The following RUSC2 variants were observed in gnomAD, a reference collection of about 807,000 sequenced individuals.
The protein encoded by RUSC2 is AP-4 complex accessory subunit RUSC2.
RUSC2 carries 34 observed loss-of-function variants against 122.2 expected under a neutral mutation model. The observed-to-expected ratio is 0.28, with a 90% CI of 0.21 to 0.37. The LOEUF (loss-of-function observed/expected upper bound fraction) is 0.37, where lower values mean the gene tolerates loss of function less well. Among genes scored for constraint, RUSC2 ranks in the 10% least tolerant of loss-of-function variants. RUSC2 has a pLI of 1.00. For synonymous variants in RUSC2, 784 were observed against 790.0 expected, an observed-to-expected ratio of 0.99 and a Z score of 0.13; for missense variants, 1,747 against 1,952.4, an observed-to-expected ratio of 0.89 and a Z score of 1.98.
At chr9:35,524,693 C>T (rs549279981) in intron 1 of RUSC2, among the ~76,000 whole-genome samples, 5 of 152,118 alleles carry the variant, frequency 3.3e-5, no homozygotes, top group Admixed American at 6.6e-5. Context: ...GATCCCAGGC[C>T]GGGTGCAGTG....
chr9:35,510,073 G>C (rs1428912537), intron 1 of RUSC2, among the ~76,000 whole-genome samples: 1 of 152,170 alleles, frequency 6.6e-6, no homozygotes, highest in Non-Finnish European at 1.5e-5. Flanking sequence ...GTTAATTGAA[G>C]TGAGTTCCTA....
At position 35,558,537 on chromosome 9, in the gene RUSC2, G is replaced by A. The variant is rs373601054; in HGVS notation, c.3311G>A (p.Arg1104His). Reference protein sequence around the residue: ...QFPELTSHTMRFNAFILGLLN... With the variant: ...QFPELTSHTMHFNAFILGLLN... ...CCAGAGCTCACCAGTCATACCATGC[G>A]CTTCAACGCCTTCATCCTCGGCCTG... The change falls in exon 8 of 12, where the codon CGC (arginine) becomes CAC (histidine). Residue 1104 changes from arginine (R) to histidine (H), a missense_variant. Arg to His is a conservative substitution (Grantham distance 29, BLOSUM62 0). Coordinates refer to ENST00000361226, the MANE Select transcript of RUSC2 (RefSeq NM_014806.5). This position sits in a 1 kb window ranked among gnomAD's most constrained non-coding sequence, Gnocchi z 4.3. 18 of 1,613,950 alleles carry A rather than the reference G, an allele frequency of 1.1e-5. No homozygotes were observed. The South Asian group carries it at 1.4e-4, about 13-fold the overall frequency.
Position 35,549,057 on chromosome 9 carries a change from C to T in RUSC2, c.2014+522C>T, listed in dbSNP as rs565735936. 14 of 982,956 alleles carry T rather than the reference C, an allele frequency of 1.4e-5. No individual in the cohort carries two copies. The African/African-American group carries it at 2.4e-4, about 17-fold the overall frequency. 60.9% of individuals were successfully genotyped at this position (982,956 alleles called of 1,614,324 possible). A position where few individuals can be genotyped will look rare whatever the true frequency, so the allele number is the denominator to read the frequency against. The stretch of plus-strand genomic sequence containing the variant: ...CAAAAAAAAAAAATAAATAAATACA[C>T]TGAGGAGATAAAATCAGCAGGACTT... On this transcript the variant is annotated intron_variant, in intron 2 of 11. Transcript: ENST00000361226.
intron 1 of RUSC2, among the ~76,000 whole-genome samples, chr9:35,522,104 A>G (rs1315448613): frequency 6.6e-6 from 1 of 152,256 alleles, no homozygotes; most frequent in African/African-American, 2.4e-5. Flanking sequence ...TCCTATAGGA[A>G]ACTCAGAGCC....
chr9:35,547,853 G>C lies in RUSC2; in HGVS notation c.1332G>C (p.Glu444Asp). ...GPDPGPSQPS[E>D]YYLFQKPEVQ... Reference sequence around the variant, plus strand: ...ACCCAGGCCCCAGCCAGCCCTCTGAGTATTACCTATTCCAGAAGCCAGAAG... The same window carrying C: ...ACCCAGGCCCCAGCCAGCCCTCTGACTATTACCTATTCCAGAAGCCAGAAG... The change falls in exon 2 of 12, where the codon GAG (glutamate) becomes GAC (aspartate). Residue 444 changes from glutamate (E) to aspartate (D), a missense_variant. Physicochemically the swap from Glu to Asp is conservative, Grantham distance 45. Coordinates refer to ENST00000361226, the MANE Select transcript of RUSC2 (RefSeq NM_014806.5). The surrounding 1 kb of genome is among the most constrained non-coding windows in gnomAD (Gnocchi z 4.6). 6.2e-7 allele frequency: 1 copy of C among 1,614,172 alleles called. No individual in the cohort carries two copies.
At position 35,548,329 on chromosome 9, in the gene RUSC2, G is replaced by A; in HGVS notation, c.1808G>A (p.Gly603Glu). 6.2e-7 allele frequency: 1 copy of A among 1,614,016 alleles called. No homozygotes were observed. Among genetic ancestry groups the A allele is most frequent in the Non-Finnish European group, 8.5e-7 (1 of 1,180,026 alleles). ...CSHSLPPMPL[G>E]PGMDLLGPDP... is the part of the protein sequence containing the mutation. ...CATAGCCTGCCACCCATGCCTTTGG[G>A]GCCAGGCATGGACCTACTTGGCCCA... Residue 603 changes from glycine (G) to glutamate (E), a missense_variant, in exon 2 of 12, where the codon GGG (glycine) becomes GAG (glutamate). Coordinates refer to ENST00000361226, the MANE Select transcript of RUSC2 (RefSeq NM_014806.5). This position sits in a 1 kb window ranked among gnomAD's most constrained non-coding sequence, Gnocchi z 4.5.
chr9:35,515,765 G>A (rs945312944), intron 1 of RUSC2, among the ~76,000 whole-genome samples: 1 of 152,014 alleles, frequency 6.6e-6, no homozygotes, highest in Non-Finnish European at 1.5e-5. Context: ...TTGGGAGGCT[G>A]AGGTGGGAGG....
intron 1 of RUSC2, among the ~76,000 whole-genome samples, chr9:35,527,141 T>C (rs1337686246): frequency 6.6e-6 from 1 of 151,374 alleles, no homozygotes; most frequent in Non-Finnish European, 1.5e-5. Context: ...TTTCGTTGTT[T>C]TTTTTTTCTT....
At chr9:35,527,009 T>C (rs1032314300) in intron 1 of RUSC2, among the ~76,000 whole-genome samples, 16 of 152,246 alleles carry the variant, frequency 1.1e-4, no homozygotes, top group African/African-American at 3.9e-4. Flanking sequence ...ATCTCTTAAC[T>C]TCTCATTCAC....
At chr9:35,523,514 G>GA (rs577097074) in intron 1 of RUSC2, among the ~76,000 whole-genome samples, 128 of 151,094 alleles carry the variant, frequency 8.5e-4, no homozygotes, top group East Asian at 1.7e-3. Context: ...TCTTCACAAT[G>GA]AAAAAAAAAG....
chr9:35,493,455 T>G (rs1201878141), intron 1 of RUSC2, among the ~76,000 whole-genome samples: 1 of 152,196 alleles, frequency 6.6e-6, no homozygotes, highest in Non-Finnish European at 1.5e-5. Context: ...GCATAATGTC[T>G]AAAGTTCATC....
At chr9:35,517,778 C>T (rs1821137664) in intron 1 of RUSC2, among the ~76,000 whole-genome samples, 1 of 152,160 alleles carries the variant, frequency 6.6e-6, no homozygotes, top group South Asian at 2.1e-4. Flanking sequence ...CAGGAGAAGG[C>T]CAGGGCGCTC....
At position 35,510,544 on chromosome 9, in the gene RUSC2, T is replaced by C. The variant is rs185099296; in HGVS notation, c.-93+20372T>C. 7.2e-5 allele frequency among the ~76,000 whole-genome samples: 11 copies of C among 152,310 alleles called. No individual in the cohort carries two copies. In the East Asian group the frequency reaches 2.1e-3, roughly 29 times the overall value. ...CAGTCATAGTTATTTATTTGTTTAG[T>C]CTCCCTGGGTGAACTATAAACTCCA... On this transcript the variant is annotated intron_variant, in intron 1 of 11. Transcript: ENST00000361226.
intron 1 of RUSC2, among the ~76,000 whole-genome samples, chr9:35,496,817 T>C (rs1820724592): frequency 6.6e-6 from 1 of 152,182 alleles, no homozygotes; most frequent in Non-Finnish European, 1.5e-5. Context: ...CACTACATGG[T>C]GTTATTGTGG....
At chr9:35,506,442 T>C (rs1461621827) in intron 1 of RUSC2, among the ~76,000 whole-genome samples, 1 of 152,234 alleles carries the variant, frequency 6.6e-6, no homozygotes, top group East Asian at 1.9e-4. Flanking sequence ...TATTTTCCAC[T>C]ATGCATTTCT....
In RUSC2 at chr9:35,555,114, C is replaced by G; in HGVS notation, c.2069C>G (p.Thr690Ser). ...VLRYSKEQRP[T>S]TLPIQPFVFQ... ...CGCTACAGCAAGGAACAGAGGCCAACCACACTGCCCATCCAGCCCTTCGTG... is the reference window on the plus strand; with the variant it reads ...CGCTACAGCAAGGAACAGAGGCCAAGCACACTGCCCATCCAGCCCTTCGTG... The change falls in exon 3 of 12, where the codon ACC becomes AGC. Residue 690 changes from threonine (T) to serine (S), a missense_variant. Transcript: ENST00000361226. This position sits in a 1 kb window ranked among gnomAD's most constrained non-coding sequence, Gnocchi z 4.6. 6.2e-7 allele frequency: 1 copy of G among 1,613,850 alleles called. No homozygotes were observed. The highest frequency in any genetic ancestry group is 8.5e-7 in the Non-Finnish European group (1 of 1,180,026).
chr9:35,510,408 C>A (rs1322492682), intron 1 of RUSC2, among the ~76,000 whole-genome samples: 1 of 152,170 alleles, frequency 6.6e-6, no homozygotes, highest in African/African-American at 2.4e-5. Context: ...GTAAACTGGA[C>A]CCTGATTAAT....
chr9:35,510,678 T>C (rs1359158279), intron 1 of RUSC2, among the ~76,000 whole-genome samples: 1 of 152,214 alleles, frequency 6.6e-6, no homozygotes, highest in Non-Finnish European at 1.5e-5. Context: ...GGTGAGACTT[T>C]GGCATTTAAG....
At chr9:35,553,196 G>T (rs971191810) in intron 2 of RUSC2, among the ~76,000 whole-genome samples, 2 of 152,336 alleles carry the variant, frequency 1.3e-5, no homozygotes, top group Admixed American at 6.5e-5. Flanking sequence ...CTCGTAGCAG[G>T]TGTGGGCAAC....
Sources: gnomAD v4.1 joint callset for allele counts (sites outside exome capture counted in the v4.1 genomes callset) on GRCh38, gnomAD v4.1.1 for gene constraint, Gnocchi (gnomAD v3.1) non-coding constraint, MANE v1.5 for transcripts, NCBI Gene and HGNC (gene_info 2026-07-23, HGNC 2026-07-21) for gene names.